JADE3: variants seen among roughly 807,000 people sequenced by gnomAD.
JADE3 encodes jade family PHD finger 3, also known as protein Jade-3.
JADE3 carries 2 observed loss-of-function variants against 50.1 expected under a neutral mutation model. That is an observed-to-expected ratio of 0.04 (90% CI 0.02 to 0.13). JADE3 has a LOEUF of 0.13. JADE3 is among the 10% of genes least tolerant of loss of function. The pLI is 1.00. For synonymous variants in JADE3, 218 were observed against 232.9 expected, an observed-to-expected ratio of 0.94 and a Z score of 0.58; for missense variants, 475 against 634.4, an observed-to-expected ratio of 0.75 and a Z score of 2.70.
intron 1 of JADE3, among the ~76,000 whole-genome samples, chrX:46,964,056 T>C (rs1178589068): frequency 8.9e-6 from 1 of 112,281 alleles, no homozygotes; most frequent in Non-Finnish European, 1.9e-5. Context: ...AATAGGAAAG[T>C]ATTAAAATTG....
intron 1 of JADE3, among the ~76,000 whole-genome samples, chrX:46,940,820 A>C (rs1926735898): frequency 8.9e-6 from 1 of 111,833 alleles, no homozygotes; most frequent in South Asian, 3.7e-4. Flanking sequence ...CTACGTATAC[A>C]TTTAAGGATT....
intron 1 of JADE3, among the ~76,000 whole-genome samples, chrX:46,948,543 T>C (rs782351918): frequency 8.9e-6 from 1 of 111,924 alleles, no homozygotes; most frequent in East Asian, 2.8e-4. Flanking sequence ...AATATATTAT[T>C]GATAGTTCAG....
chrX:46,990,478 C>T (rs1927961532), intron 3 of JADE3, among the ~76,000 whole-genome samples: 2 of 110,719 alleles, frequency 1.8e-5, no homozygotes, highest in Admixed American at 1.9e-4. Context: ...TTTGTTGCCC[C>T]CACTGATGAT....
At position 46,985,776 on chromosome X, in the gene JADE3, A is replaced by G; in HGVS notation, c.110A>G (p.His37Arg). ...ATCAAGTCAAAAATTCCAAATGAAC[A>G]CAAGAAACCTGCTGAGGTGAGATCG... ...YRIKSKIPNE[H>R]KKPAEVFRKD... is the part of the protein sequence containing the mutation. Residue 37 changes from histidine (H) to arginine (R), a missense_variant, in exon 3 of 11, where the codon CAC (histidine) becomes CGC (arginine). This residue lies in a region of JADE3 where 31 missense variants were observed against 29.3 expected (regional missense o/e 1.06). Transcript: ENST00000614628. The G allele has an allele frequency of 1.3e-5, 16 of 1,187,095 alleles. No individual in the cohort carries two copies. The highest frequency in any genetic ancestry group is 2.2e-5 in the Admixed American group (1 of 45,983).
chrX:46,928,160 A>G lies in JADE3; in HGVS notation c.-12+15441A>G, dbSNP rs185529891. ...CCTTCCCTCTCCCGTACCATCAACA[A>G]TCCAACACTCATGTTTACCTGCACC... On this transcript the variant is annotated intron_variant, in intron 1 of 10. Transcript: ENST00000614628. Among the ~76,000 whole-genome samples, 309 of 111,233 alleles carry G rather than the reference A, an allele frequency of 2.8e-3. 1 individual carries two copies. The highest frequency in any genetic ancestry group is 0.024 in the Admixed American group (251 of 10,439).
chrX:46,978,469 T>C lies in JADE3; in HGVS notation c.-11-6415T>C, dbSNP rs782150968. Among the ~76,000 whole-genome samples the C allele has an allele frequency of 9.0e-5, 10 of 111,077 alleles. No homozygotes were observed. The South Asian group carries it at 3.5e-3, about 38-fold the overall frequency. On this transcript the variant is annotated intron_variant, in intron 1 of 10. Transcript: ENST00000614628. ...TGAATAGAACCAGGGTTGGGGAAAA[T>C]GGGCTGGTCAAGGAAAACATGGGGA...
intron 1 of JADE3, among the ~76,000 whole-genome samples, chrX:46,916,150 G>A (rs1265213517): frequency 8.9e-6 from 1 of 111,827 alleles, no homozygotes; most frequent in Non-Finnish European, 1.9e-5. Context: ...AATCTTCTGG[G>A]ACACATTCTT....
chrX:47,026,566 A>G (rs1428904507), intron 5 of JADE3, among the ~76,000 whole-genome samples: 1 of 111,594 alleles, frequency 9.0e-6, no homozygotes, highest in Non-Finnish European at 1.9e-5. Context: ...TTAGGCTTGT[A>G]AGAATTTTAA....
chrX:46,952,497 G>T (rs1221784906), intron 1 of JADE3, among the ~76,000 whole-genome samples: 1 of 112,448 alleles, frequency 8.9e-6, no homozygotes, highest in Non-Finnish European at 1.9e-5. Context: ...AGATCCACCT[G>T]TGAGGAAGTG....
Position 47,054,367 on chromosome X carries a change from C to T in JADE3, c.1182C>T (p.Ser394=), listed in dbSNP as rs1189662052. ...EQSQAKSEKT[S]LRAQKLRELE... ...GCCAGGCCAAAAGTGAGAAAACCAG[C>T]CTGCGGGCACAGAAGCTTCGGGAGC... is the stretch of plus-strand genomic sequence containing the variant. The change falls in exon 9 of 11, where the codon AGC becomes AGT. Residue 394 remains serine (S), a synonymous_variant. Coordinates refer to ENST00000614628, the MANE Select transcript of JADE3 (RefSeq NM_014735.5). 18 of 1,209,274 alleles carry T rather than the reference C, an allele frequency of 1.5e-5. No individual in the cohort carries two copies. Among genetic ancestry groups the T allele is most frequent in the Non-Finnish European group, 2.0e-5 (18 of 894,847 alleles).
intron 6 of JADE3, among the ~76,000 whole-genome samples, chrX:47,031,807 G>T (rs904240904): frequency 2.7e-5 from 3 of 111,466 alleles, no homozygotes; most frequent in Admixed American, 9.6e-5. Flanking sequence ...TGAGGCTACA[G>T]TGAGCCAAGA....
chrX:47,002,679 TAAA>T (rs56653702), intron 4 of JADE3, among the ~76,000 whole-genome samples: 2 of 94,274 alleles, frequency 2.1e-5, no homozygotes, highest in African/African-American at 3.8e-5. Context: ...CAGTTTTATT[TAAA>T]AAAAAAAAAA....
chrX:47,043,830 A>G, intron 8 of JADE3, among the ~76,000 whole-genome samples: 1 of 109,732 alleles, frequency 9.1e-6, no homozygotes, highest in Middle Eastern at 4.8e-3. Flanking sequence ...AAAAAAAAAA[A>G]AAAAGAAAGA....
chrX:46,933,205 C>A (rs1569534303), intron 1 of JADE3, among the ~76,000 whole-genome samples: 1 of 111,702 alleles, frequency 9.0e-6, no homozygotes, highest in Non-Finnish European at 1.9e-5. Flanking sequence ...TCCCTCTCCC[C>A]TTTGTCAAAA....
intron 1 of JADE3, among the ~76,000 whole-genome samples, chrX:46,976,353 C>T (rs1349373181): frequency 8.9e-6 from 1 of 112,036 alleles, no homozygotes; most frequent in Non-Finnish European, 1.9e-5. Flanking sequence ...GACTTCCAGA[C>T]AGTCCTCCTT....
chrX:46,959,531 A>G lies in JADE3; in HGVS notation c.-11-25353A>G, dbSNP rs1253450088. On this transcript the variant is annotated intron_variant, in intron 1 of 10. Coordinates refer to ENST00000614628, the MANE Select transcript of JADE3 (RefSeq NM_014735.5). ...GTCAATGTGTAAGGAAATGGACTTT[A>G]ATGTGCCCACAGTGATAAAGGAGAA... is the stretch of plus-strand genomic sequence containing the variant. 4.5e-5 allele frequency among the ~76,000 whole-genome samples: 5 copies of G among 111,927 alleles called. No homozygotes were observed. In the Admixed American group the frequency reaches 4.7e-4, roughly 11 times the overall value.
intron 4 of JADE3, among the ~76,000 whole-genome samples, chrX:47,016,711 G>A (rs1556362997): frequency 9.5e-6 from 1 of 104,992 alleles, no homozygotes; most frequent in Non-Finnish European, 1.9e-5. Context: ...TTAAGAGACA[G>A]ATCTTGCTAT....
intron 1 of JADE3, 91 bp from the exon 2 acceptor site, chrX:46,984,793 C>T: frequency 1.7e-6 from 1 of 596,514 alleles, no homozygotes; most frequent in South Asian, 2.6e-5. Context: ...GATTTGCTTG[C>T]TGCTATTTCT....
At chrX:47,026,290 G>A (rs1033212958) in intron 5 of JADE3, among the ~76,000 whole-genome samples, 1 of 111,711 alleles carries the variant, frequency 9.0e-6, no homozygotes. Context: ...ATTCTCCTTG[G>A]GTGAGTTTTT....
Sources: allele counts gnomAD v4.1 joint callset (sites outside exome capture counted in the v4.1 genomes callset), GRCh38; gene constraint gnomAD v4.1.1; regional missense constraint gnomAD v4.1.1; transcripts MANE v1.5; gene names NCBI Gene and HGNC (gene_info 2026-07-23, HGNC 2026-07-21).